Variants in RGS6 observed in about 807,000 individuals in gnomAD.
RGS6 encodes regulator of G protein signaling 6.
RGS6 carries 30 observed loss-of-function variants against 78.5 expected under a neutral mutation model. The observed-to-expected ratio is 0.38, with a 90% CI of 0.29 to 0.52. RGS6 has a LOEUF of 0.52. RGS6 is among the 20% of genes least tolerant of loss of function. The pLI, the probability that RGS6 is intolerant of heterozygous loss-of-function variation, is 0.85. For missense variants in RGS6, 495 were observed against 609.7 expected (o/e 0.81, Z 1.98); for synonymous variants, 206 against 206.0 (o/e 1.00, Z 0.00).
intron 10 of RGS6, 51 bp from the exon 11 acceptor site, chr14:72,476,691 A>G: frequency 6.6e-7 from 1 of 1,525,862 alleles, no homozygotes. Flanking sequence ...CCCCTAAGCC[A>G]CCCTCCAATT....
At chr14:72,602,350 T>C in the RGS6 span, among the ~76,000 whole-genome samples, 4 of 152,198 alleles carry the variant, frequency 2.6e-5, no homozygotes, top group South Asian at 2.1e-4. Flanking sequence ...GGAAGAACCA[T>C]ACATGCTAGG....
chr14:72,377,833 C>A (rs909091105), intron 3 of RGS6, among the ~76,000 whole-genome samples: 1 of 152,146 alleles, frequency 6.6e-6, no homozygotes, highest in Non-Finnish European at 1.5e-5. Flanking sequence ...AAAAAATTAA[C>A]CACCCGTGGT....
At chr14:72,179,897 A>G (rs1942506469) in intron 2 of RGS6, among the ~76,000 whole-genome samples, 1 of 152,122 alleles carries the variant, frequency 6.6e-6, no homozygotes. Context: ...AGATGATTCT[A>G]ATGCACATTG....
At chr14:72,055,722 A>C (rs1292967488) in intron 2 of RGS6, among the ~76,000 whole-genome samples, 1 of 152,168 alleles carries the variant, frequency 6.6e-6, no homozygotes, top group East Asian at 1.9e-4. Context: ...GCTTTAAAAT[A>C]CAGAAATCTT....
intron 2 of RGS6, among the ~76,000 whole-genome samples, chr14:72,290,923 C>G (rs889376373): frequency 2.0e-5 from 3 of 152,140 alleles, no homozygotes; most frequent in African/African-American, 7.2e-5. Context: ...TATGCAGAAT[C>G]TAGGGATCCA....
intron 3 of RGS6, among the ~76,000 whole-genome samples, chr14:72,383,486 A>C (rs1388042687): frequency 1.3e-5 from 2 of 152,012 alleles, no homozygotes; most frequent in African/African-American, 2.4e-5. Context: ...CCACACTGTC[A>C]AGATTCTGTA....
chr14:72,309,029 G>T (rs1003124181), intron 2 of RGS6, among the ~76,000 whole-genome samples: 5 of 152,192 alleles, frequency 3.3e-5, no homozygotes, highest in African/African-American at 1.2e-4. Flanking sequence ...ATTGGTTTTA[G>T]CTAGTGTGGA....
At chr14:72,270,678 G>C (rs1004702566) in intron 2 of RGS6, among the ~76,000 whole-genome samples, 8 of 152,198 alleles carry the variant, frequency 5.3e-5, no homozygotes, top group African/African-American at 1.9e-4. Flanking sequence ...TGTCAACCAG[G>C]ACTGAAAATA....
At chr14:72,192,618 T>C (rs1206649450) in intron 2 of RGS6, among the ~76,000 whole-genome samples, 1 of 152,166 alleles carries the variant, frequency 6.6e-6, no homozygotes, top group African/African-American at 2.4e-5. Context: ...CCCCTCCTGC[T>C]CCTCCCTTAA....
chr14:72,208,133 A>C (rs1224155790), intron 2 of RGS6, among the ~76,000 whole-genome samples: 13 of 152,212 alleles, frequency 8.5e-5, no homozygotes, highest in Admixed American at 8.5e-4. Flanking sequence ...AGAAGAGAAC[A>C]CAAAACCCGA....
chr14:72,354,685 C>T (rs144115784), intron 3 of RGS6, among the ~76,000 whole-genome samples: 42 of 151,942 alleles, frequency 2.8e-4, no homozygotes, highest in African/African-American at 1.0e-3. Context: ...GTAATAATTC[C>T]ATTTGTGAGG....
At chr14:72,274,994 A>G (rs536488116) in intron 2 of RGS6, among the ~76,000 whole-genome samples, 5 of 152,326 alleles carry the variant, frequency 3.3e-5, no homozygotes, top group South Asian at 2.1e-4. Context: ...ACTTCCTTCA[A>G]TGAAACACTT....
At chr14:72,627,378 A>AT in the RGS6 span, among the ~76,000 whole-genome samples, 1 of 152,072 alleles carries the variant, frequency 6.6e-6, no homozygotes, top group Non-Finnish European at 1.5e-5. Flanking sequence ...TGGCTACCCC[A>AT]TTGTCCCAGC....
chr14:71,961,973 G>T (rs1453691540), intron 1 of RGS6, among the ~76,000 whole-genome samples: 1 of 152,144 alleles, frequency 6.6e-6, no homozygotes, highest in Admixed American at 6.5e-5. Flanking sequence ...AATAGTCAAT[G>T]AATTTAATTA....
chr14:72,379,177 G>A (rs1434868805), intron 3 of RGS6, among the ~76,000 whole-genome samples: 1 of 151,958 alleles, frequency 6.6e-6, no homozygotes, highest in African/African-American at 2.4e-5. Flanking sequence ...TAGAAGGAAA[G>A]TACCTTAACA....
intron 2 of RGS6, among the ~76,000 whole-genome samples, chr14:72,068,131 G>A (rs72737857): frequency 0.049 from 5,031 of 102,578 alleles, 108 homozygotes; most frequent in South Asian, 0.1. Flanking sequence ...AATTATGTAT[G>A]TATGTATTTT....
intron 13 of RGS6, among the ~76,000 whole-genome samples, chr14:72,496,459 T>A (rs945591527): frequency 6.6e-6 from 1 of 152,212 alleles, no homozygotes; most frequent in Non-Finnish European, 1.5e-5. Context: ...AAGCAAGAAC[T>A]GCACAAAAAT....
intron 2 of RGS6, among the ~76,000 whole-genome samples, chr14:72,133,099 T>G (rs772376128): frequency 3.9e-5 from 6 of 152,184 alleles, no homozygotes; most frequent in African/African-American, 4.8e-5. Context: ...AGCAGAAACA[T>G]GTCCATCTCT....
At chr14:72,107,797 G>C (rs1567219084) in intron 2 of RGS6, among the ~76,000 whole-genome samples, 1 of 152,032 alleles carries the variant, frequency 6.6e-6, no homozygotes, top group Non-Finnish European at 1.5e-5. Context: ...AGGACATAGA[G>C]TATGCTAGAT....
Sources: allele counts gnomAD v4.1 joint callset (sites outside exome capture counted in the v4.1 genomes callset), GRCh38; gene constraint gnomAD v4.1.1; transcripts MANE v1.5; gene names NCBI Gene and HGNC (gene_info 2026-07-23, HGNC 2026-07-21).